LRPPRC: variants seen among roughly 807,000 people sequenced by gnomAD.
LRPPRC encodes leucine rich pentatricopeptide repeat containing.
Under a neutral mutation model 180.3 loss-of-function variants are expected in LRPPRC, and 120 were observed. The observed-to-expected ratio is 0.67, with a 90% CI of 0.57 to 0.77. The LOEUF is 0.77. LRPPRC is among the 30% of genes least tolerant of loss of function. The pLI, the probability that LRPPRC is intolerant of heterozygous loss-of-function variation, is 0.00. For missense variants in LRPPRC, 2,012 were observed against 1,657.2 expected, an observed-to-expected ratio of 1.21 and a Z score of -3.72; for synonymous variants, 723 against 600.0, an observed-to-expected ratio of 1.21 and a Z score of -3.00.
chr2:43,934,861 G>C lies in LRPPRC; in HGVS notation c.2522C>G (p.Ala841Gly), dbSNP rs1465802978. ...ATAGCAGTCAATGGCGACCTCAAGA[G>C]CAGTAGATAGGTCGCCCCTTAGAAA... ...VHLEKGDLSTALEVAIDCYEK... is the reference protein window; with the variant it reads ...VHLEKGDLSTGLEVAIDCYEK... Residue 841 changes from alanine (A) to glycine (G), a missense_variant, in exon 24 of 38, where the codon GCT (alanine) becomes GGT (glycine). Coordinates refer to ENST00000260665, the MANE Select transcript of LRPPRC (RefSeq NM_133259.4). 7 of 1,612,804 alleles carry C rather than the reference G, an allele frequency of 4.3e-6. No individual in the cohort carries two copies. The highest frequency in any genetic ancestry group is 5.9e-6 in the Non-Finnish European group (7 of 1,179,002).
At chr2:43,964,396 T>C (rs1673472004) in intron 11 of LRPPRC, among the ~76,000 whole-genome samples, 1 of 152,152 alleles carries the variant, frequency 6.6e-6, no homozygotes, top group Admixed American at 6.6e-5. Context: ...ATTACTCAAG[T>C]ATCACCTAAT....
chr2:43,960,882 A>C (rs1673320601), intron 12 of LRPPRC, among the ~76,000 whole-genome samples: 1 of 152,198 alleles, frequency 6.6e-6, no homozygotes, highest in Non-Finnish European at 1.5e-5. Flanking sequence ...TGAGTTTACT[A>C]CTGAGGACAC....
intron 1 of LRPPRC, among the ~76,000 whole-genome samples, chr2:43,994,935 C>T (rs1201393058): frequency 2.6e-5 from 4 of 152,202 alleles, no homozygotes; most frequent in African/African-American, 9.7e-5. Context: ...CTTGCATGTG[C>T]TCATTCATTC....
intron 1 of LRPPRC, 50 bp downstream of exon 1, chr2:43,995,749 G>T: frequency 7.4e-7 from 1 of 1,344,244 alleles, no homozygotes. Context: ...CCACGACCCC[G>T]GGGGACCCTG....
chr2:43,981,703 C>T (rs552934184), intron 2 of LRPPRC, among the ~76,000 whole-genome samples: 1 of 152,022 alleles, frequency 6.6e-6, no homozygotes, highest in Admixed American at 6.5e-5. Flanking sequence ...CCAAACTTTG[C>T]CCAGATGAGT....
chr2:43,903,765 C>T (rs1480541099), intron 31 of LRPPRC: 1 of 152,138 alleles, frequency 6.6e-6, no homozygotes, highest in Non-Finnish European at 1.5e-5. Context: ...AAATCTGGGT[C>T]AGGTTCAGCT....
chr2:43,977,398 T>C (rs544556542), intron 3 of LRPPRC, 122 bp from the exon 4 acceptor site: 36 of 756,818 alleles, frequency 4.8e-5, no homozygotes, highest in South Asian at 1.6e-4. Flanking sequence ...CCCATCCATC[T>C]TGGCGCTCAG....
chr2:43,933,205 G>C (rs1672152480), intron 25 of LRPPRC, among the ~76,000 whole-genome samples: 1 of 152,140 alleles, frequency 6.6e-6, no homozygotes, highest in African/African-American at 2.4e-5. Flanking sequence ...GTTCTGAATT[G>C]ATTTCACAGT....
In LRPPRC at chr2:43,889,009, T is replaced by A. The variant is rs114317197; in HGVS notation, c.4129-353A>T. On this transcript the variant is annotated intron_variant, in intron 37 of 37. Transcript: ENST00000260665. The stretch of plus-strand genomic sequence containing the variant: ...ACATAACAAAAAGGAATTGTGCATA[T>A]GTGATTTCTCTTATTAAAGAAAACA... 4.0e-3 allele frequency among the ~76,000 whole-genome samples: 606 copies of A among 152,298 alleles called. 16 individuals are homozygous for A. The East Asian group carries it at 0.055, about 14-fold the overall frequency.
chr2:43,989,314 A>G (rs1050158930), intron 1 of LRPPRC, among the ~76,000 whole-genome samples: 3 of 152,186 alleles, frequency 2.0e-5, no homozygotes, highest in African/African-American at 7.2e-5. Context: ...ACCCTTCTAC[A>G]CTTTATAACA....
chr2:43,994,544 T>C (rs1674933617), intron 1 of LRPPRC, among the ~76,000 whole-genome samples: 2 of 152,244 alleles, frequency 1.3e-5, no homozygotes, highest in Non-Finnish European at 1.5e-5. Context: ...GTAACTTCTC[T>C]AATGGCATAA....
chr2:43,951,102 G>A (rs1558997606), intron 14 of LRPPRC, among the ~76,000 whole-genome samples: 2 of 152,158 alleles, frequency 1.3e-5, no homozygotes, highest in Non-Finnish European at 2.9e-5. Context: ...CTTGTAATGG[G>A]AAAAACAGTT....
intron 23 of LRPPRC, among the ~76,000 whole-genome samples, chr2:43,939,298 T>A (rs1239700588): frequency 6.7e-6 from 1 of 149,884 alleles, no homozygotes; most frequent in Non-Finnish European, 1.5e-5. Context: ...AAAATAAAAA[T>A]AAAAATAAAA....
intron 37 of LRPPRC, among the ~76,000 whole-genome samples, chr2:43,889,470 G>GC (rs1365461747): frequency 6.6e-6 from 1 of 151,964 alleles, no homozygotes. Flanking sequence ...TGAGAGAACT[G>GC]CCCCAAGGAC....
chr2:43,944,256 G>A (rs1672598701), intron 22 of LRPPRC, among the ~76,000 whole-genome samples: 1 of 151,952 alleles, frequency 6.6e-6, no homozygotes, highest in Non-Finnish European at 1.5e-5. Context: ...GGCTTGTCAG[G>A]AGGCCAGATA....
intron 36 of LRPPRC, among the ~76,000 whole-genome samples, chr2:43,893,434 C>A (rs1437950329): frequency 6.6e-6 from 1 of 152,164 alleles, no homozygotes; most frequent in African/African-American, 2.4e-5. Flanking sequence ...ACATCTCAAC[C>A]TTTAGCAATC....
chr2:43,975,237 A>G lies in LRPPRC; in HGVS notation c.738-20T>C. The G allele has an allele frequency of 6.2e-7, 1 of 1,607,904 alleles. No individual in the cohort carries two copies. ...ATATCACTACAAGTTAATTCAAAAA[A>G]CAGATTATTATGCTTTTGCCAAATT... is the stretch of plus-strand genomic sequence containing the variant. On this transcript the variant is annotated intron_variant, in intron 6 of 37. Transcript: ENST00000260665.
rs72877192 is a variant in LRPPRC at position 43,950,395 on chromosome 2, A to G, written c.1677+178T>C. Among the ~76,000 whole-genome samples, 5,068 of 152,190 alleles carry G rather than the reference A, an allele frequency of 0.033. 292 individuals are homozygous for G. Among genetic ancestry groups the G allele is most frequent in the African/African-American group, 0.11 (4,743 of 41,492 alleles). On this transcript the variant is annotated intron_variant, in intron 15 of 37. Transcript: ENST00000260665. ...CCCTCCTCCCATTGGATTCTTATCAATTGGATTCACAAACACTAAAAGACA... is the reference window on the plus strand; with the variant it reads ...CCCTCCTCCCATTGGATTCTTATCAGTTGGATTCACAAACACTAAAAGACA...
At chr2:43,895,432 G>C (rs1264226949) in intron 35 of LRPPRC, among the ~76,000 whole-genome samples, 1 of 152,192 alleles carries the variant, frequency 6.6e-6, no homozygotes, top group Non-Finnish European at 1.5e-5. Flanking sequence ...GTTCTAAGCA[G>C]ACATATTGCC....
Sources: allele counts gnomAD v4.1 joint callset (sites outside exome capture counted in the v4.1 genomes callset), GRCh38; gene constraint gnomAD v4.1.1; transcripts MANE v1.5; gene names NCBI Gene and HGNC (gene_info 2026-07-23, HGNC 2026-07-21).